INSR: variants seen among roughly 807,000 people sequenced by gnomAD.
The protein encoded by INSR is insulin receptor.
A neutral mutation model predicts 142.6 loss-of-function variants in INSR; 67 were observed. The ratio of observed to expected loss-of-function variants is 0.47; its 90% confidence interval spans 0.39 to 0.58. INSR has a LOEUF of 0.58. Among genes scored for constraint, INSR ranks in the 20% least tolerant of loss-of-function variants. The pLI is 0.00. For missense variants in INSR, 1,248 were observed against 1,833.2 expected, an observed-to-expected ratio of 0.68 and a Z score of 5.83; for synonymous variants, 756 against 743.1, an observed-to-expected ratio of 1.02 and a Z score of -0.28.
At chr19:7,146,271 T>A (rs7257359) in intron 11 of INSR, among the ~76,000 whole-genome samples, 2 of 140,694 alleles carry the variant, frequency 1.4e-5, no homozygotes, top group South Asian at 2.3e-4. Context: ...GACAGAGTTT[T>A]GCTCTGTTGC....
At chr19:7,205,719 A>T (rs1975089138) in intron 2 of INSR, among the ~76,000 whole-genome samples, 1 of 152,144 alleles carries the variant, frequency 6.6e-6, no homozygotes, top group South Asian at 2.1e-4. Context: ...CCCCACGCCC[A>T]TCTCTACAGA....
chr19:7,184,663 GAAATAAAT>G lies in INSR; in HGVS notation c.653-34_653-27del, dbSNP rs57380348. ...CTGGAGAGAGAGAGAGAGAGAGAGG[GAAATAAAT>G]AAATAAATAAATAAATAAATAAATA... On this transcript the variant is annotated intron_variant, in intron 2 of 21. Coordinates refer to ENST00000302850, the MANE Select transcript of INSR (RefSeq NM_000208.4). 0.074 allele frequency: 71,369 copies of G among 960,870 alleles called. 5,164 individuals are homozygous for G. Among genetic ancestry groups the G allele is most frequent in the African/African-American group, 0.17 (9,393 of 53,826 alleles). 59.5% of individuals were successfully genotyped at this position (960,870 alleles called of 1,614,324 possible). A position where few individuals can be genotyped will look rare whatever the true frequency, so the allele number is the denominator to read the frequency against.
At chr19:7,239,190 G>C (rs1382483278) in intron 2 of INSR, among the ~76,000 whole-genome samples, 1 of 152,036 alleles carries the variant, frequency 6.6e-6, no homozygotes, top group African/African-American at 2.4e-5. Context: ...TGAAATGCTG[G>C]GTAAAGAAAT....
rs1456155711 is a variant in INSR at position 7,168,942 on chromosome 19, GA to G, written c.1484-849del. Among the ~76,000 whole-genome samples the G allele has an allele frequency of 1.3e-5, 2 of 152,152 alleles. No homozygotes were observed. The highest frequency in any genetic ancestry group is 2.4e-5 in the African/African-American group (1 of 41,452). ...TTGACATAAGTAACTAACTCCCCAT[GA>G]AGGTATCCCAGAAGCCCTTGGCAGC... On this transcript the variant is annotated intron_variant, in intron 6 of 21. Transcript: ENST00000302850. This position sits in a 1 kb window ranked among gnomAD's most constrained non-coding sequence, Gnocchi z 4.3.
rs59202163 is a variant in INSR, at chr19:7,198,013, C to CGT, written c.653-13378_653-13377dup. On this transcript the variant is annotated intron_variant, in intron 2 of 21. Transcript: ENST00000302850. The stretch of plus-strand genomic sequence containing the variant: ...TGTGTGTGTGTCCATGGTGGGCGAG[C>CGT]GTGTGTGTGTGTCCATGATGGGCGT... 6.5e-3 allele frequency among the ~76,000 whole-genome samples: 938 copies of CGT among 145,178 alleles called. 10 individuals are homozygous for CGT. The highest frequency in any genetic ancestry group is 0.019 in the African/African-American group (740 of 38,850).
chr19:7,159,637 G>A lies in INSR; in HGVS notation c.2029+3395C>T, dbSNP rs1192314092. On this transcript the variant is annotated intron_variant, in intron 9 of 21. Coordinates refer to ENST00000302850, the MANE Select transcript of INSR (RefSeq NM_000208.4). This position sits in a 1 kb window ranked among gnomAD's most constrained non-coding sequence, Gnocchi z 4.3. ...ACAGCTTACAGCGGAGCTGATGACT[G>A]GACTCGCCCTGGAGTTATATAAAGC... 1 of 152,140 alleles carries A rather than the reference G, an allele frequency of 6.6e-6. No homozygotes were observed. Among genetic ancestry groups the A allele is most frequent in the African/African-American group, 2.4e-5 (1 of 41,404 alleles). The allele number at this position is 152,140 out of a possible 1,614,324, so 9.4% of individuals were successfully genotyped here.
chr19:7,199,526 G>A (rs1356017385), intron 2 of INSR, among the ~76,000 whole-genome samples: 1 of 148,148 alleles, frequency 6.8e-6, no homozygotes, highest in South Asian at 2.1e-4. Flanking sequence ...GCCTCCCAAG[G>A]AGCTAGGACT....
At chr19:7,183,972 T>A (rs1384737900) in intron 3 of INSR, among the ~76,000 whole-genome samples, 2 of 147,084 alleles carry the variant, frequency 1.4e-5, no homozygotes, top group Non-Finnish European at 3.0e-5. Context: ...GGCAGGAAAA[T>A]CGCTTGAACC....
intron 2 of INSR, among the ~76,000 whole-genome samples, chr19:7,201,880 T>C (rs1327520641): frequency 6.6e-6 from 1 of 151,886 alleles, no homozygotes; most frequent in Non-Finnish European, 1.5e-5. Flanking sequence ...CCAGGATGGT[T>C]TCGATCTCCT....
At chr19:7,206,063 T>C (rs1490335946) in intron 2 of INSR, among the ~76,000 whole-genome samples, 1 of 152,154 alleles carries the variant, frequency 6.6e-6, no homozygotes, top group African/African-American at 2.4e-5. Flanking sequence ...TCGAAGTACC[T>C]TGGGCTGACT....
intron 2 of INSR, among the ~76,000 whole-genome samples, chr19:7,202,965 G>A (rs2145051150): frequency 6.8e-6 from 1 of 146,416 alleles, no homozygotes; most frequent in Non-Finnish European, 1.5e-5. Flanking sequence ...CTGCTTTTTT[G>A]GAATGTATTG....
chr19:7,168,064 A>G lies in INSR; in HGVS notation c.1514T>C (p.Ile505Thr). ...CENELLKFSYIRTSFDKILLR... is the reference protein window; with the variant it reads ...CENELLKFSYTRTSFDKILLR... ...CAAGATCTTGTCAAAAGATGTCCGA[A>G]TGTAAGAAAATTTAAGTAACTCATT... is the stretch of plus-strand genomic sequence containing the variant. The change falls in exon 7 of 22, where the codon ATT becomes ACT. Residue 505 changes from isoleucine (I) to threonine (T), a missense_variant. Physicochemically the swap from Ile to Thr is moderately conservative, Grantham distance 89. Around this residue, in one of 3 missense-constraint regions of INSR, gnomAD observed 1,069 missense variants for 1,654.0 expected, o/e 0.65. Coordinates refer to ENST00000302850, the MANE Select transcript of INSR (RefSeq NM_000208.4). This position sits in a 1 kb window ranked among gnomAD's most constrained non-coding sequence, Gnocchi z 4.3. The G allele has an allele frequency of 6.2e-7, 1 of 1,614,056 alleles. No homozygotes were observed. Among genetic ancestry groups the G allele is most frequent in the Non-Finnish European group, 8.5e-7 (1 of 1,179,958 alleles).
chr19:7,276,826 G>C (rs1267979719), intron 1 of INSR, among the ~76,000 whole-genome samples: 1 of 152,110 alleles, frequency 6.6e-6, no homozygotes, highest in African/African-American at 2.4e-5. Flanking sequence ...CATCTCCCGG[G>C]TTCAAGCGAT....
chr19:7,143,477 C>T (rs901910133), intron 11 of INSR, among the ~76,000 whole-genome samples: 3 of 152,196 alleles, frequency 2.0e-5, no homozygotes, highest in Non-Finnish European at 4.4e-5. Flanking sequence ...TCAGGAAGCC[C>T]TGCCAAATGG....
rs1477888163 is a variant in INSR, at chr19:7,150,258, C to A, written c.2267+239G>T. ...GGGAGGGGGTACCCAGGAAGCACTC[C>A]CATGATTCTATGTTTTAGCAAGAGT... On this transcript the variant is annotated intron_variant, in intron 11 of 21. Transcript: ENST00000302850. This position sits in a 1 kb window ranked among gnomAD's most constrained non-coding sequence, Gnocchi z 4.2. Among the ~76,000 whole-genome samples the A allele has an allele frequency of 6.6e-6, 1 of 152,188 alleles. No homozygotes were observed. The highest frequency in any genetic ancestry group is 1.5e-5 in the Non-Finnish European group (1 of 68,024).
At chr19:7,161,951 G>T (rs376223834) in intron 9 of INSR, among the ~76,000 whole-genome samples, 2 of 152,074 alleles carry the variant, frequency 1.3e-5, no homozygotes, top group East Asian at 3.9e-4. Context: ...GGGAGGCTGA[G>T]GGGGGTGAAT....
intron 2 of INSR, among the ~76,000 whole-genome samples, chr19:7,231,214 ATTT>A (rs1398630338): frequency 1.3e-5 from 2 of 151,978 alleles, no homozygotes; most frequent in African/African-American, 4.8e-5. Flanking sequence ...GGAAGAATTA[ATTT>A]CGGATCCTGA....
At chr19:7,292,129 T>G (rs1968509658) in intron 1 of INSR, among the ~76,000 whole-genome samples, 1 of 149,136 alleles carries the variant, frequency 6.7e-6, no homozygotes. Flanking sequence ...TCTCGCTCTT[T>G]GGCCAGGCTG....
chr19:7,292,477 G>GGGA (rs1555693269), intron 1 of INSR, among the ~76,000 whole-genome samples: 1 of 150,030 alleles, frequency 6.7e-6, no homozygotes, highest in Non-Finnish European at 1.5e-5. Context: ...GGCTGGGGGG[G>GGGA]GGTGGGCCCG....
Sources: allele counts gnomAD v4.1 joint callset (sites outside exome capture counted in the v4.1 genomes callset), GRCh38; gene constraint gnomAD v4.1.1; regional missense constraint gnomAD v4.1.1; non-coding constraint Gnocchi (gnomAD v3.1); transcripts MANE v1.5; gene names NCBI Gene and HGNC (gene_info 2026-07-23, HGNC 2026-07-21).